Variants in GAK observed in about 807,000 individuals in gnomAD.
GAK encodes the protein cyclin-G-associated kinase.
A neutral mutation model predicts 143.9 loss-of-function variants in GAK; 79 were observed. The ratio of observed to expected loss-of-function variants is 0.55; its 90% CI spans 0.46 to 0.66. The LOEUF (loss-of-function observed/expected upper bound fraction) is 0.66. GAK is among the 30% of genes least tolerant of loss of function. The pLI is 0.00. For missense variants in GAK, 1,693 were observed against 1,779.7 expected (o/e 0.95, Z 0.88); for synonymous variants, 881 against 765.5 (o/e 1.15, Z -2.49).
intron 1 of GAK, among the ~76,000 whole-genome samples, chr4:915,201 TGCACTCAGCCCCAGCGTACATGGCCCCCC>T (rs1436978872): frequency 3.4e-5 from 4 of 118,186 alleles, no homozygotes; most frequent in Admixed American, 8.2e-5. Flanking sequence ...CACGGCCCCG[TGCACTCAGCCCCAGCGTACATGGCCCCCC>T]GCACTCAGCC....
chr4:849,842 C>CCT, intron 27 of GAK, 50 bp downstream of exon 27: 4 of 1,205,168 alleles, frequency 3.3e-6, no homozygotes, highest in South Asian at 1.3e-5. Flanking sequence ...GGACCCCCCC[C>CCT]CCGCCCCGCC....
chr4:891,119 T>C (rs1288501288), intron 9 of GAK, among the ~76,000 whole-genome samples: 7 of 152,052 alleles, frequency 4.6e-5, no homozygotes, highest in Non-Finnish European at 7.4e-5. Flanking sequence ...CCACCACGCC[T>C]GGCTAATTTG....
rs1577044100 is a variant in GAK, at chr4:856,618, C to T, written c.3283+2988G>A. On this transcript the variant is annotated intron_variant, in intron 24 of 27. Coordinates refer to ENST00000314167, the MANE Select transcript of GAK (RefSeq NM_005255.4). ...TGCTCACAGCTGCTCACCACAGGTG[C>T]TCACACCTGCTCACCACAGCTGCTC... Among the ~76,000 whole-genome samples the T allele has an allele frequency of 2.0e-5, 3 of 150,400 alleles. No individual in the cohort carries two copies. In the South Asian group the frequency reaches 6.4e-4, roughly 32 times the overall value.
chr4:903,131 C>T (rs554101636), intron 5 of GAK, among the ~76,000 whole-genome samples: 10 of 151,792 alleles, frequency 6.6e-5, no homozygotes, highest in African/African-American at 2.4e-4. Context: ...CCAGCCCCGG[C>T]CCAGAACCAC....
rs1400861233 is a variant in GAK at position 851,775 on chromosome 4, C to T, written c.3483G>A (p.Glu1161=). The change falls in exon 25 of 28, where the codon GAG becomes GAA. Residue 1161 remains glutamate (E), a synonymous_variant. Coordinates refer to ENST00000314167, the MANE Select transcript of GAK (RefSeq NM_005255.4). Reference sequence around the variant, plus strand: ...CAAAGCTGGGTGCGCGGACCCCCCGCTCCTCCCGCGCCCCGATCACACTGA... The same window carrying T: ...CAAAGCTGGGTGCGCGGACCCCCCGTTCCTCCCGCGCCCCGATCACACTGA... ...SNFSVIGARE[E]RGVRAPSFAQ... The T allele has an allele frequency of 1.1e-5, 17 of 1,613,272 alleles. No individual in the cohort carries two copies. The highest frequency in any genetic ancestry group is 1.4e-5 in the Non-Finnish European group (16 of 1,179,744).
chr4:871,161 C>T (rs1310569389), intron 18 of GAK, among the ~76,000 whole-genome samples: 2 of 152,250 alleles, frequency 1.3e-5, no homozygotes, highest in Non-Finnish European at 2.9e-5. Flanking sequence ...GCTCCTCGGA[C>T]GTCACAGTGG....
chr4:895,459 C>T (rs1718586878), intron 7 of GAK, among the ~76,000 whole-genome samples: 1 of 152,220 alleles, frequency 6.6e-6, no homozygotes, highest in African/African-American at 2.4e-5. Flanking sequence ...GCAATGACCA[C>T]ACACGTGGCC....
intron 5 of GAK, among the ~76,000 whole-genome samples, chr4:900,499 T>C (rs1560396953): frequency 1.3e-5 from 2 of 151,772 alleles, no homozygotes; most frequent in African/African-American, 2.4e-5. Flanking sequence ...CTCCTTAAAA[T>C]ACACACTCAA....
intron 24 of GAK, among the ~76,000 whole-genome samples, chr4:856,682 T>TGCTCACCATA (rs1184068788): frequency 2.0e-5 from 3 of 151,074 alleles, no homozygotes; most frequent in South Asian, 2.1e-4. Flanking sequence ...TGCTCACACC[T>TGCTCACCATA]GCTCACCACA....
At chr4:926,825 G>A (rs1332406288) in intron 1 of GAK, among the ~76,000 whole-genome samples, 1 of 151,336 alleles carries the variant, frequency 6.6e-6, no homozygotes, top group African/African-American at 2.4e-5. Flanking sequence ...CCTGCGCTCC[G>A]CACTGCCCCG....
At chr4:855,982 T>C (rs1749053571) in intron 24 of GAK, among the ~76,000 whole-genome samples, 3 of 152,148 alleles carry the variant, frequency 2.0e-5, no homozygotes, top group Non-Finnish European at 4.4e-5. Flanking sequence ...AAAAAGATGT[T>C]GGCTGCAGGT....
intron 1 of GAK, among the ~76,000 whole-genome samples, chr4:931,364 G>C (rs1317351918): frequency 6.6e-6 from 1 of 152,216 alleles, no homozygotes; most frequent in Admixed American, 6.5e-5. Context: ...GAAACACTGA[G>C]GTGTTGAAAG....
intron 14 of GAK, 22 bp downstream of exon 14, chr4:882,675 A>C (rs1715384832): frequency 6.2e-7 from 1 of 1,608,474 alleles, no homozygotes; most frequent in East Asian, 2.2e-5. Context: ...AGACGGCGCC[A>C]GCCCACGGCC....
At chr4:866,701 C>T (rs1299646804) in intron 21 of GAK, among the ~76,000 whole-genome samples, 167 bp from the exon 22 acceptor site, 2 of 152,188 alleles carry the variant, frequency 1.3e-5, no homozygotes, top group Non-Finnish European at 2.9e-5. Flanking sequence ...GCTCCCCGTG[C>T]CCCACGCCTC....
chr4:877,533 G>A (rs1714200619), intron 16 of GAK, 82 bp downstream of exon 16: 7 of 1,423,650 alleles, frequency 4.9e-6, no homozygotes, highest in South Asian at 4.2e-5. Flanking sequence ...GCCTGTCCCC[G>A]GCAAGGCCAG....
chr4:926,070 C>T lies in GAK; in HGVS notation c.145+5973G>A, dbSNP rs13104240. On this transcript the variant is annotated intron_variant, in intron 1 of 27. Coordinates refer to ENST00000314167, the MANE Select transcript of GAK (RefSeq NM_005255.4). Reference sequence around the variant, plus strand: ...AATTCACCCCAAGGGGGTCCTCCCCCGACAGTGACCTCCCCAAACGTCTAA... The same window carrying T: ...AATTCACCCCAAGGGGGTCCTCCCCTGACAGTGACCTCCCCAAACGTCTAA... 1.8e-3 allele frequency among the ~76,000 whole-genome samples: 267 copies of T among 150,510 alleles called. 10 individuals carry two copies. In the East Asian group the frequency reaches 0.049, roughly 28 times the overall value.
chr4:923,839 A>G (rs1577328165), intron 1 of GAK, among the ~76,000 whole-genome samples: 3 of 152,248 alleles, frequency 2.0e-5, no homozygotes, highest in Admixed American at 2.0e-4. Context: ...ATATAAATAT[A>G]TAAACATAAG....
chr4:862,105 G>A (rs1357228158), intron 23 of GAK, among the ~76,000 whole-genome samples: 4 of 146,420 alleles, frequency 2.7e-5, no homozygotes, highest in African/African-American at 5.1e-5. Context: ...CAGACGAGAC[G>A]GCCTAAGTCA....
chr4:878,470 T>C (rs1015033161), intron 15 of GAK, among the ~76,000 whole-genome samples: 8 of 152,198 alleles, frequency 5.3e-5, no homozygotes, highest in African/African-American at 1.9e-4. Context: ...TCTCCTTGCA[T>C]ATTCCATGTG....
Sources: allele counts gnomAD v4.1 joint callset (sites outside exome capture counted in the v4.1 genomes callset), GRCh38; gene constraint gnomAD v4.1.1; transcripts MANE v1.5; gene names NCBI Gene and HGNC (gene_info 2026-07-23, HGNC 2026-07-21).